Variants in CYSLTR2 observed in about 807,000 individuals in gnomAD.
The protein encoded by CYSLTR2 is cysteinyl leukotriene receptor 2.
For synonymous variants in CYSLTR2, 179 were observed against 160.8 expected (o/e 1.11, Z -0.86); for missense variants, 398 against 411.9 (o/e 0.97, Z 0.29).
chr13:48,707,532 C>T lies in CYSLTR2; in HGVS notation c.715C>T (p.Arg239Trp), dbSNP rs201815757. 4.1e-5 allele frequency: 66 copies of T among 1,608,706 alleles called. No individual in the cohort carries two copies. In the Admixed American group the frequency reaches 5.8e-4, roughly 14 times the overall value. The change falls in exon 5 of 5, where the codon CGG becomes TGG. Residue 239 changes from arginine (R) to tryptophan (W), a missense_variant. By Grantham distance (101) the Arg-to-Trp change is moderately radical. Coordinates refer to ENST00000682523, the MANE Select transcript of CYSLTR2 (RefSeq NM_001308476.3). ...LKVEVPESGLRVSHRKALTTI... is the reference protein window; with the variant it reads ...LKVEVPESGLWVSHRKALTTI... ...AGTGGAGGTCCCAGAATCGGGGCTG[C>T]GGGTTTCTCACAGGAAGGCACTGAC... is the stretch of plus-strand genomic sequence containing the variant.
chr13:48,692,762 A>G (rs1015355788), intron 2 of CYSLTR2, among the ~76,000 whole-genome samples: 1 of 151,294 alleles, frequency 6.6e-6, no homozygotes, highest in African/African-American at 2.4e-5. Context: ...TGATTTACTT[A>G]GATATTTTTT....
intron 4 of CYSLTR2, among the ~76,000 whole-genome samples, chr13:48,699,804 C>T (rs1009322340): frequency 3.9e-5 from 6 of 151,940 alleles, no homozygotes; most frequent in African/African-American, 9.7e-5. Flanking sequence ...AGAGAAGAAT[C>T]AAATAGATGC....
rs202038922 is a variant in CYSLTR2, at chr13:48,706,809, T to A, written c.-1-8T>A. The A allele has an allele frequency of 6.3e-7, 1 of 1,593,044 alleles. No individual in the cohort carries two copies. The highest frequency in any genetic ancestry group is 8.5e-7 in the Non-Finnish European group (1 of 1,170,260). ...GTAACTTTTTGTGTCTGTTTCTTTT[T>A]AACCCAGCATGGAGAGAAAATTTAT... On this transcript the variant is annotated splice_polypyrimidine_tract_variant and splice_region_variant and intron_variant, in intron 4 of 4. Transcript: ENST00000682523.
chr13:48,674,119 G>A (rs1261296835), intron 1 of CYSLTR2, among the ~76,000 whole-genome samples: 6 of 152,252 alleles, frequency 3.9e-5, no homozygotes, highest in East Asian at 1.9e-4. Context: ...CTCTTATTGA[G>A]GAGTATCTTA....
chr13:48,674,088 T>C (rs896521127), intron 1 of CYSLTR2, among the ~76,000 whole-genome samples: 1 of 152,162 alleles, frequency 6.6e-6, no homozygotes, highest in African/African-American at 2.4e-5. Context: ...GTGAATCTGA[T>C]GATTATGTGT....
At chr13:48,695,429 G>A (rs528718186) in intron 3 of CYSLTR2, among the ~76,000 whole-genome samples, 30 of 136,414 alleles carry the variant, frequency 2.2e-4, no homozygotes, top group Non-Finnish European at 3.4e-4. Flanking sequence ...CTCTCATAGA[G>A]ATAGGGTCTC....
At chr13:48,685,989 T>C (rs1268051610) in intron 1 of CYSLTR2, among the ~76,000 whole-genome samples, 1 of 152,216 alleles carries the variant, frequency 6.6e-6, no homozygotes, top group Non-Finnish European at 1.5e-5. Flanking sequence ...GCCATGTTTC[T>C]CAGGTTAATT....
intron 1 of CYSLTR2, among the ~76,000 whole-genome samples, chr13:48,662,256 G>C (rs1953148933): frequency 1.3e-5 from 2 of 152,188 alleles, no homozygotes; most frequent in South Asian, 4.1e-4. Flanking sequence ...CCATTCATCT[G>C]TTGTTGAACA....
chr13:48,695,294 CT>C, intron 3 of CYSLTR2, among the ~76,000 whole-genome samples: 1 of 146,648 alleles, frequency 6.8e-6, no homozygotes, highest in South Asian at 2.2e-4. Flanking sequence ...TTTCCTTCTT[CT>C]CTTTCTTCTT....
At position 48,695,611 on chromosome 13, in the gene CYSLTR2, T is replaced by TA. The variant is rs538165973; in HGVS notation, c.-102-914dup. Among the ~76,000 whole-genome samples the TA allele has an allele frequency of 1.8e-3, 273 of 152,304 alleles. 2 individuals are homozygous for TA. The highest frequency in any genetic ancestry group is 6.3e-3 in the African/African-American group (262 of 41,564). On this transcript the variant is annotated intron_variant, in intron 3 of 4. Coordinates refer to ENST00000682523, the MANE Select transcript of CYSLTR2 (RefSeq NM_001308476.3). ...CACCACATTCTTAATCCCCGGCAAT[T>TA]ACAAATCTGTGTTCTCCATTTCTAT...
At chr13:48,704,355 T>G (rs902869628) in intron 4 of CYSLTR2, among the ~76,000 whole-genome samples, 2 of 152,136 alleles carry the variant, frequency 1.3e-5, no homozygotes, top group Non-Finnish European at 2.9e-5. Context: ...ATACAGCATC[T>G]CTACAAAAAA....
intron 3 of CYSLTR2, among the ~76,000 whole-genome samples, chr13:48,693,962 G>A (rs1954100838): frequency 6.6e-6 from 1 of 152,190 alleles, no homozygotes; most frequent in Non-Finnish European, 1.5e-5. Flanking sequence ...GTGAAACTGT[G>A]CCCACTGTAG....
In CYSLTR2 at chr13:48,676,194, C is replaced by A. The variant is rs73495147; in HGVS notation, c.-265-15018C>A. On this transcript the variant is annotated intron_variant, in intron 1 of 4. Coordinates refer to ENST00000682523, the MANE Select transcript of CYSLTR2 (RefSeq NM_001308476.3). Reference sequence around the variant, plus strand: ...AGGTCACCTACTTAGAAAAGGCAGACCAGAACCCAGGTCTCTGTGCTCTTT... The same window carrying A: ...AGGTCACCTACTTAGAAAAGGCAGAACAGAACCCAGGTCTCTGTGCTCTTT... 1.4e-3 allele frequency among the ~76,000 whole-genome samples: 214 copies of A among 152,316 alleles called. 2 individuals carry two copies. Among genetic ancestry groups the A allele is most frequent in the African/African-American group, 5.0e-3 (206 of 41,570 alleles).
At position 48,706,870 on chromosome 13, in the gene CYSLTR2, A is replaced by T. The variant is rs1431535748; in HGVS notation, c.53A>T (p.Glu18Val). 2 of 1,614,052 alleles carry T rather than the reference A, an allele frequency of 1.2e-6. No individual in the cohort carries two copies. Among genetic ancestry groups the T allele is most frequent in the Non-Finnish European group, 8.5e-7 (1 of 1,180,016 alleles). ...LQPSISVSEMEPNGTFSNNNS... is the reference protein window; with the variant it reads ...LQPSISVSEMVPNGTFSNNNS... Reference sequence around the variant, plus strand: ...CCATCCATCTCCGTATCAGAAATGGAACCAAATGGCACCTTCAGCAATAAC... The same window carrying T: ...CCATCCATCTCCGTATCAGAAATGGTACCAAATGGCACCTTCAGCAATAAC... Residue 18 changes from glutamate (E) to valine (V), a missense_variant, in exon 5 of 5, where the codon GAA becomes GTA. Coordinates refer to ENST00000682523, the MANE Select transcript of CYSLTR2 (RefSeq NM_001308476.3).
At chr13:48,676,674 A>C (rs1953604698) in intron 1 of CYSLTR2, among the ~76,000 whole-genome samples, 1 of 152,238 alleles carries the variant, frequency 6.6e-6, no homozygotes, top group Non-Finnish European at 1.5e-5. Context: ...AAATTCAGAC[A>C]GAGTTTGAGG....
chr13:48,686,575 C>A (rs1328143778), intron 1 of CYSLTR2, among the ~76,000 whole-genome samples: 1 of 152,178 alleles, frequency 6.6e-6, no homozygotes, highest in African/African-American at 2.4e-5. Flanking sequence ...CCCGCAAAAT[C>A]TGTGTGTTCT....
At chr13:48,654,251 TTGTGTGTGTGTGTGTGTGTGTG>T (rs372575519) in intron 1 of CYSLTR2, among the ~76,000 whole-genome samples, 22 of 129,208 alleles carry the variant, frequency 1.7e-4, no homozygotes, top group Non-Finnish European at 3.1e-4. Context: ...GATCGTCCCT[TTGTGTGTGTGTGTGTGTGTGTG>T]TGTGTGTGTG....
Position 48,695,067 on chromosome 13 carries a change from C to CTTTTTTTTT in CYSLTR2, c.-102-1459_-102-1458insTTTTTTTTT, listed in dbSNP as rs1278951741. ...AAGACCATGGTATATCAGAACCTGG[C>CTTTTTTTTT]ATTTTTTTTTTTTTTTTTTTTTTTT... On this transcript the variant is annotated intron_variant, in intron 3 of 4. Transcript: ENST00000682523. Among the ~76,000 whole-genome samples, 9 of 83,696 alleles carry CTTTTTTTTT rather than the reference C, an allele frequency of 1.1e-4. 1 individual carries two copies. The highest frequency in any genetic ancestry group is 6.2e-4 in the Admixed American group (5 of 8,094). The allele number at this position is 83,696 out of a possible 152,430, so 54.9% of individuals were successfully genotyped here.
chr13:48,708,074 A>G lies in CYSLTR2; in HGVS notation c.*216A>G, dbSNP rs1185757338. 1.2e-5 allele frequency: 5 copies of G among 420,436 alleles called. No individual in the cohort carries two copies. The highest frequency in any genetic ancestry group is 7.9e-5 in the Admixed American group (2 of 25,322). 26.0% of individuals were successfully genotyped at this position (420,436 alleles called of 1,614,324 possible). The stretch of plus-strand genomic sequence containing the variant: ...GAGGGATACAGGAGGAAAAATCCCT[A>G]CTAGAGTCCTGTGGGCTGAAATATC... On this transcript the variant is annotated 3_prime_UTR_variant, in exon 5 of 5. Coordinates refer to ENST00000682523, the MANE Select transcript of CYSLTR2 (RefSeq NM_001308476.3).
Sources: allele counts gnomAD v4.1 joint callset (sites outside exome capture counted in the v4.1 genomes callset), GRCh38; gene constraint gnomAD v4.1.1; transcripts MANE v1.5; gene names NCBI Gene and HGNC (gene_info 2026-07-23, HGNC 2026-07-21).